MED13L: variants seen among roughly 807,000 people sequenced by gnomAD.
MED13L encodes the protein mediator of RNA polymerase II transcription subunit 13-like.
MED13L carries 7 observed loss-of-function variants against 220.9 expected under a neutral mutation model. The ratio of observed to expected loss-of-function variants is 0.03; its 90% CI spans 0.02 to 0.06. The LOEUF is 0.06. Ranked by LOEUF, MED13L falls within the 10% of genes least tolerant of loss-of-function variation. MED13L has a pLI of 1.00. For missense variants in MED13L, 1,965 were observed against 2,760.5 expected (o/e 0.71, Z 6.46); for synonymous variants, 1,011 against 1,015.2 (o/e 1.00, Z 0.08).
chr12:116,187,852 T>C (rs1880996288), intron 2 of MED13L, among the ~76,000 whole-genome samples: 1 of 150,628 alleles, frequency 6.6e-6, no homozygotes, highest in Non-Finnish European at 1.5e-5. Context: ...GCCTGGAGGG[T>C]ACTGCTTTTT....
chr12:116,073,590 C>T (rs1870556972), intron 4 of MED13L, among the ~76,000 whole-genome samples: 1 of 152,100 alleles, frequency 6.6e-6, no homozygotes, highest in African/African-American at 2.4e-5. Context: ...TCTGGAAATG[C>T]TTAATTTGCT....
At chr12:116,148,074 A>AAAAAGGG (rs1377801971) in intron 2 of MED13L, among the ~76,000 whole-genome samples, 1 of 98,312 alleles carries the variant, frequency 1.0e-5, no homozygotes, top group African/African-American at 3.9e-5. Context: ...AAAAAAAAAA[A>AAAAAGGG]GAGGGGGGCG....
At chr12:116,176,395 C>CCATCAT (rs140238306) in intron 2 of MED13L, among the ~76,000 whole-genome samples, 9 of 151,642 alleles carry the variant, frequency 5.9e-5, no homozygotes, top group South Asian at 2.1e-4. Flanking sequence ...ATATAAGCTC[C>CCATCAT]CATCATCATC....
At chr12:116,045,559 C>G (rs1307249159) in intron 4 of MED13L, among the ~76,000 whole-genome samples, 2 of 152,144 alleles carry the variant, frequency 1.3e-5, no homozygotes, top group Non-Finnish European at 2.9e-5. Flanking sequence ...GTACTGAAAA[C>G]TATGGTATGA....
intron 4 of MED13L, among the ~76,000 whole-genome samples, chr12:116,045,589 C>T (rs996754270): frequency 1.3e-5 from 2 of 152,094 alleles, no homozygotes; most frequent in African/African-American, 2.4e-5. Flanking sequence ...TGAGTCACAG[C>T]GTATCTGGTA....
intron 1 of MED13L, among the ~76,000 whole-genome samples, chr12:116,244,330 T>C (rs1870909314): frequency 6.6e-6 from 1 of 152,174 alleles, no homozygotes; most frequent in South Asian, 2.1e-4. Context: ...AAAATAAACA[T>C]ACACATCTGC....
intron 1 of MED13L, among the ~76,000 whole-genome samples, chr12:116,241,065 T>C (rs1307506316): frequency 1.3e-5 from 2 of 151,472 alleles, no homozygotes; most frequent in African/African-American, 2.4e-5. Flanking sequence ...TCCCAGCATT[T>C]TGGGAGGCAG....
chr12:116,072,297 C>A (rs1006762520), intron 4 of MED13L, among the ~76,000 whole-genome samples: 5 of 152,190 alleles, frequency 3.3e-5, no homozygotes, highest in Middle Eastern at 3.2e-3. Flanking sequence ...CTGGTCCAAA[C>A]CCCTGGTTTT....
chr12:116,250,469 T>C (rs1369546368), intron 1 of MED13L, among the ~76,000 whole-genome samples: 1 of 151,530 alleles, frequency 6.6e-6, no homozygotes, highest in Non-Finnish European at 1.5e-5. Context: ...AAATAAAAAA[T>C]ACTTTTTTTC....
intron 2 of MED13L, among the ~76,000 whole-genome samples, chr12:116,205,985 T>A (rs1204342204): frequency 6.8e-6 from 1 of 148,114 alleles, no homozygotes. Flanking sequence ...GAAAACAAAG[T>A]GGCAATGATT....
intron 4 of MED13L, among the ~76,000 whole-genome samples, chr12:116,052,486 A>G (rs761242963): frequency 6.6e-6 from 1 of 152,222 alleles, no homozygotes; most frequent in Non-Finnish European, 1.5e-5. Context: ...ACTGAACTAT[A>G]CTGTAGAAAT....
At chr12:116,120,082 G>A (rs1593066739) in intron 2 of MED13L, among the ~76,000 whole-genome samples, 1 of 151,756 alleles carries the variant, frequency 6.6e-6, no homozygotes, top group Admixed American at 6.6e-5. Flanking sequence ...GCATAGAGTT[G>A]ACTTGATTAT....
At chr12:116,163,571 G>C (rs1238233791) in intron 2 of MED13L, among the ~76,000 whole-genome samples, 1 of 151,972 alleles carries the variant, frequency 6.6e-6, no homozygotes, top group Non-Finnish European at 1.5e-5. Flanking sequence ...CACCATGTTG[G>C]TCAGGCTGGT....
rs771796097 is a variant in MED13L at position 116,007,523 on chromosome 12, A to C, written c.2126T>G (p.Leu709Trp). 1.2e-6 allele frequency: 2 copies of C among 1,613,988 alleles called. No individual in the cohort carries two copies. Among genetic ancestry groups the C allele is most frequent in the South Asian group, 2.2e-5 (2 of 91,084 alleles). ...GGTATATGGGTCATTCACTTCTCCC[A>C]AACTGTCTCCAGGTTGTTGTGATAG... ...LPLSQQPGDS[L>W]GEVNDPYTFE... Residue 709 changes from leucine to tryptophan, a missense_variant, in exon 11 of 31, where the codon TTG becomes TGG. By Grantham distance (61) the Leu-to-Trp change is moderately conservative. Around this residue, in one of 10 missense-constraint regions of MED13L, gnomAD observed 818 missense variants for 1,041.2 expected, o/e 0.79. Transcript: ENST00000281928.
At chr12:115,976,344 A>T (rs1444702109) in intron 23 of MED13L, among the ~76,000 whole-genome samples, 5 of 152,256 alleles carry the variant, frequency 3.3e-5, no homozygotes, top group African/African-American at 1.2e-4. Flanking sequence ...GAGAATGAAA[A>T]AACTATAAGC....
intron 7 of MED13L, among the ~76,000 whole-genome samples, 182 bp from the exon 8 acceptor site, chr12:116,015,456 T>G (rs1157180962): frequency 6.6e-6 from 1 of 152,178 alleles, no homozygotes; most frequent in East Asian, 1.9e-4. Context: ...CAGAATGGAT[T>G]TTTTTCCCTG....
rs185469892 is a variant in MED13L, at chr12:116,218,518, G to C, written c.310+18950C>G. Among the ~76,000 whole-genome samples the C allele has an allele frequency of 1.2e-3, 178 of 151,884 alleles. 1 individual carries two copies. Among genetic ancestry groups the C allele is most frequent in the Non-Finnish European group, 2.1e-3 (143 of 67,968 alleles). On this transcript the variant is annotated intron_variant, in intron 2 of 30. Coordinates refer to ENST00000281928, the MANE Select transcript of MED13L (RefSeq NM_015335.5). Reference sequence around the variant, plus strand: ...CAGTTCAGTACTCTATGTACTTTCTGGCATTCTCCAGAAATTCGGTCTTCA... The same window carrying C: ...CAGTTCAGTACTCTATGTACTTTCTCGCATTCTCCAGAAATTCGGTCTTCA...
chr12:116,249,665 A>G (rs143375043), intron 1 of MED13L, among the ~76,000 whole-genome samples: 1 of 149,110 alleles, frequency 6.7e-6, no homozygotes, highest in Non-Finnish European at 1.5e-5. Context: ...TAAAATTTCC[A>G]CAGCTCAAAT....
intron 4 of MED13L, among the ~76,000 whole-genome samples, chr12:116,047,414 T>C (rs1178493464): frequency 1.3e-5 from 2 of 152,214 alleles, no homozygotes; most frequent in African/African-American, 2.4e-5. Context: ...TACAGATTTA[T>C]TGAAGAACTT....
Sources: gnomAD v4.1 joint callset for allele counts (sites outside exome capture counted in the v4.1 genomes callset) on GRCh38, gnomAD v4.1.1 for gene constraint, gnomAD v4.1.1 regional missense constraint, MANE v1.5 for transcripts, NCBI Gene and HGNC (gene_info 2026-07-23, HGNC 2026-07-21) for gene names.